The following ANTXR1 variants were observed in gnomAD, a reference collection of about 807,000 sequenced individuals.
ANTXR1 encodes the protein anthrax toxin receptor 1.
In ANTXR1, 19 loss-of-function variants were observed where a neutral mutation model predicts 78.1. The observed-to-expected ratio is 0.24, with a 90% confidence interval of 0.17 to 0.36. ANTXR1 has a LOEUF of 0.36. Among genes scored for constraint, ANTXR1 ranks in the 10% least tolerant of loss-of-function variants. ANTXR1 has a pLI of 1.00. For synonymous variants in ANTXR1, 273 were observed against 260.5 expected, an observed-to-expected ratio of 1.05 and a Z score of -0.46; for missense variants, 518 against 718.6, an observed-to-expected ratio of 0.72 and a Z score of 3.19.
intron 11 of ANTXR1, among the ~76,000 whole-genome samples, chr2:69,123,681 A>G (rs1430101001): frequency 1.3e-5 from 2 of 152,204 alleles, no homozygotes; most frequent in Non-Finnish European, 2.9e-5. Flanking sequence ...TATAGGGGAA[A>G]ATCTCATGGT....
At chr2:69,161,409 T>C (rs1478884012) in intron 13 of ANTXR1, among the ~76,000 whole-genome samples, 1 of 152,334 alleles carries the variant, frequency 6.6e-6, no homozygotes, top group East Asian at 1.9e-4. Flanking sequence ...GAAAAAAAGT[T>C]GACCTCATTT....
At chr2:69,184,941 C>A (rs1195237632) in intron 16 of ANTXR1, among the ~76,000 whole-genome samples, 1 of 152,178 alleles carries the variant, frequency 6.6e-6, no homozygotes, top group Non-Finnish European at 1.5e-5. Flanking sequence ...CAGCATTCGC[C>A]CATCTTTTCC....
intron 10 of ANTXR1, among the ~76,000 whole-genome samples, chr2:69,117,897 T>C (rs891571050): frequency 7.2e-5 from 11 of 152,166 alleles, no homozygotes; most frequent in Admixed American, 7.2e-4. Context: ...CCCCTCGGTA[T>C]GCAGCTTGAG....
intron 16 of ANTXR1, among the ~76,000 whole-genome samples, 195 bp from the exon 17 acceptor site, chr2:69,193,140 G>C (rs1308661028): frequency 6.6e-6 from 1 of 152,156 alleles, no homozygotes; most frequent in Admixed American, 6.5e-5. Flanking sequence ...TCTCCTGTGT[G>C]TCTCTTCTTC....
intron 17 of ANTXR1, among the ~76,000 whole-genome samples, chr2:69,221,701 T>A (rs971595646): frequency 4.7e-4 from 70 of 150,054 alleles, no homozygotes; most frequent in Admixed American, 7.9e-4. Context: ...AAAAAAAAAA[T>A]TCCTGTTGCA....
intron 17 of ANTXR1, among the ~76,000 whole-genome samples, chr2:69,217,608 T>C (rs1351118280): frequency 6.6e-6 from 1 of 152,212 alleles, no homozygotes; most frequent in East Asian, 1.9e-4. Flanking sequence ...ATTTAGTATA[T>C]GCAATATTGT....
rs527920165 is a variant in ANTXR1, at chr2:69,241,949, G to T, written c.1435-3276G>T. On this transcript the variant is annotated intron_variant, in intron 17 of 17. Transcript: ENST00000303714. Reference sequence around the variant, plus strand: ...ACCCCCACTTCACATCACACTGTGGGGTGTCCCACAGTGGGGGCCACGCAG... The same window carrying T: ...ACCCCCACTTCACATCACACTGTGGTGTGTCCCACAGTGGGGGCCACGCAG... 4.6e-5 allele frequency among the ~76,000 whole-genome samples: 7 copies of T among 152,144 alleles called. No homozygotes were observed. In the East Asian group the frequency reaches 9.7e-4, roughly 21 times the overall value.
At chr2:69,053,610 G>A (rs1669991724) in intron 3 of ANTXR1, among the ~76,000 whole-genome samples, 1 of 152,118 alleles carries the variant, frequency 6.6e-6, no homozygotes. Flanking sequence ...ACAGTAATTT[G>A]GAAAAAGAAG....
intron 3 of ANTXR1, among the ~76,000 whole-genome samples, chr2:69,056,578 A>G (rs1364901404): frequency 1.3e-5 from 2 of 152,204 alleles, no homozygotes; most frequent in Non-Finnish European, 2.9e-5. Flanking sequence ...CTCACCAGAG[A>G]TAATTATTAT....
At chr2:69,161,893 G>T (rs74502609) in intron 13 of ANTXR1, among the ~76,000 whole-genome samples, 5 of 152,104 alleles carry the variant, frequency 3.3e-5, no homozygotes, top group African/African-American at 7.2e-5. Flanking sequence ...GGCTTTAAGA[G>T]ATCAACCCAG....
intron 17 of ANTXR1, among the ~76,000 whole-genome samples, chr2:69,218,984 G>A (rs767586548): frequency 2.0e-5 from 3 of 152,094 alleles, no homozygotes; most frequent in Admixed American, 6.5e-5. Flanking sequence ...TTTTGACATC[G>A]GGAAACCCAC....
intron 15 of ANTXR1, 30 bp downstream of exon 15, chr2:69,181,911 T>A (rs2104462598): frequency 3.7e-6 from 6 of 1,608,202 alleles, no homozygotes; most frequent in South Asian, 1.1e-5. Context: ...TACACTTATC[T>A]ATGTGCTGAC....
At chr2:69,227,954 T>C (rs1372737198) in intron 17 of ANTXR1, among the ~76,000 whole-genome samples, 1 of 152,220 alleles carries the variant, frequency 6.6e-6, no homozygotes, top group Non-Finnish European at 1.5e-5. Flanking sequence ...AATGTAGTCA[T>C]TGCTGGCTGG....
intron 1 of ANTXR1, among the ~76,000 whole-genome samples, chr2:69,030,472 A>G (rs564459317): frequency 1.3e-5 from 2 of 152,358 alleles, no homozygotes; most frequent in South Asian, 4.1e-4. Context: ...TTAAAAAACT[A>G]ACAGTATAGT....
At chr2:69,113,365 C>G (rs1329518344) in intron 10 of ANTXR1, among the ~76,000 whole-genome samples, 1 of 152,132 alleles carries the variant, frequency 6.6e-6, no homozygotes, top group Non-Finnish European at 1.5e-5. Context: ...AGAGACAGGC[C>G]ATACTCCTGG....
chr2:69,235,507 C>T (rs1292457546), intron 17 of ANTXR1, among the ~76,000 whole-genome samples: 1 of 151,816 alleles, frequency 6.6e-6, no homozygotes, highest in Admixed American at 6.6e-5. Flanking sequence ...AAACAATTAG[C>T]CAGGTGTGGT....
intron 13 of ANTXR1, among the ~76,000 whole-genome samples, chr2:69,159,901 C>A (rs1425533399): frequency 6.6e-6 from 1 of 152,132 alleles, no homozygotes; most frequent in African/African-American, 2.4e-5. Context: ...ACTTGATATA[C>A]CTTAAGTGGA....
intron 9 of ANTXR1, among the ~76,000 whole-genome samples, chr2:69,096,257 AAAGGAAGGAAGGAAGG>A (rs201497715): frequency 2.0e-5 from 1 of 50,196 alleles, no homozygotes. Flanking sequence ...GACTCCGTCA[AAAGGAAGGAAGGAAGG>A]AAGGAAGGAA....
At position 69,182,605 on chromosome 2, in the gene ANTXR1, TCAA is replaced by T. The variant is rs528743165; in HGVS notation, c.1305_1307del (p.Asn436del). 228 of 1,614,032 alleles carry T rather than the reference TCAA, an allele frequency of 1.4e-4. No individual in the cohort carries two copies. The highest frequency in any genetic ancestry group is 1.9e-4 in the Non-Finnish European group (219 of 1,180,038). ...TATGAATTCCCTGAGCCGCGAAATC[TCAA>T]CAACAATATGCGTCGGCCTTCTTCC... On this transcript the variant is annotated inframe_deletion, in exon 16 of 18. Transcript: ENST00000303714.
Sources: allele counts gnomAD v4.1 joint callset (sites outside exome capture counted in the v4.1 genomes callset), GRCh38; gene constraint gnomAD v4.1.1; transcripts MANE v1.5; gene names NCBI Gene and HGNC (gene_info 2026-07-23, HGNC 2026-07-21).